The following PDE7B variants were observed in gnomAD, a reference collection of about 807,000 sequenced individuals.
PDE7B encodes phosphodiesterase 7B, also known as 3',5'-cyclic-AMP phosphodiesterase 7B.
A neutral mutation model predicts 56.2 loss-of-function variants in PDE7B; 29 were observed. The ratio of observed to expected loss-of-function variants is 0.52; its 90% CI spans 0.38 to 0.70. The LOEUF (loss-of-function observed/expected upper bound fraction) is 0.70. PDE7B is among the 30% of genes least tolerant of loss of function. The pLI, the probability that PDE7B is intolerant of heterozygous loss-of-function variation, is 0.00. For synonymous variants in PDE7B, 197 were observed against 196.9 expected (o/e 1.00, Z 0.00); for missense variants, 490 against 565.0 (o/e 0.87, Z 1.35).
intron 8 of PDE7B, among the ~76,000 whole-genome samples, chr6:136,169,229 T>A (rs1778844312): frequency 1.3e-5 from 2 of 152,202 alleles, no homozygotes; most frequent in South Asian, 4.1e-4. Context: ...CTCTATGCTG[T>A]TCTTCTTTTC....
At chr6:136,061,780 A>C (rs1776847862) in intron 2 of PDE7B, among the ~76,000 whole-genome samples, 1 of 152,236 alleles carries the variant, frequency 6.6e-6, no homozygotes, top group Non-Finnish European at 1.5e-5. Context: ...TACAAAGACT[A>C]AGATAGTGCA....
At chr6:135,985,573 A>T (rs1009655487) in intron 2 of PDE7B, among the ~76,000 whole-genome samples, 9 of 152,188 alleles carry the variant, frequency 5.9e-5, no homozygotes, top group African/African-American at 2.2e-4. Context: ...GCTGCATCCA[A>T]ATTCTATACT....
intron 2 of PDE7B, among the ~76,000 whole-genome samples, chr6:136,017,738 GTGT>G (rs1335246263): frequency 6.6e-6 from 1 of 152,044 alleles, no homozygotes; most frequent in African/African-American, 2.4e-5. Context: ...CCAAAGATGG[GTGT>G]TATGTTAGGC....
intron 2 of PDE7B, chr6:135,992,074 G>A (rs1211911164): frequency 1.3e-5 from 2 of 152,122 alleles, no homozygotes; most frequent in African/African-American, 4.8e-5. Context: ...GTCAAAGGTG[G>A]CTGCCCCTTC....
In PDE7B at chr6:136,072,032, C is replaced by T. The variant is rs142393516; in HGVS notation, c.83-36699C>T. The stretch of plus-strand genomic sequence containing the variant: ...CAACAGTGCCTTAAAAGGTACACAG[C>T]ACAAAAACTAAATATATTTTAGCTT... On this transcript the variant is annotated intron_variant, in intron 2 of 12. Transcript: ENST00000308191. 4.1e-3 allele frequency among the ~76,000 whole-genome samples: 621 copies of T among 152,228 alleles called. 10 individuals are homozygous for T. Among genetic ancestry groups the T allele is most frequent in the African/African-American group, 0.015 (608 of 41,530 alleles).
chr6:135,901,288 A>G (rs1775995234), intron 1 of PDE7B, among the ~76,000 whole-genome samples: 1 of 152,218 alleles, frequency 6.6e-6, no homozygotes, highest in African/African-American at 2.4e-5. Flanking sequence ...CAGGAGCATA[A>G]TAAATCTAGG....
intron 1 of PDE7B, among the ~76,000 whole-genome samples, chr6:135,905,342 GTGTGTA>G (rs1434800464): frequency 2.6e-4 from 24 of 93,916 alleles, no homozygotes; most frequent in African/African-American, 1.1e-3. Flanking sequence ...ATGCGTGTGT[GTGTGTA>G]TGTGTGTGTG....
intron 2 of PDE7B, among the ~76,000 whole-genome samples, chr6:135,984,311 T>G (rs1333485306): frequency 6.6e-6 from 1 of 152,156 alleles, no homozygotes; most frequent in Non-Finnish European, 1.5e-5. Flanking sequence ...TTGTTTTTTT[T>G]GTTTGTTTTT....
At chr6:136,150,755 G>A (rs1462553059) in intron 5 of PDE7B, among the ~76,000 whole-genome samples, 1 of 152,098 alleles carries the variant, frequency 6.6e-6, no homozygotes, top group African/African-American at 2.4e-5. Context: ...GCAATATGGT[G>A]GTTTAGATAC....
chr6:135,875,280 C>CT (rs1165606021), intron 1 of PDE7B, among the ~76,000 whole-genome samples: 2 of 151,426 alleles, frequency 1.3e-5, no homozygotes, highest in South Asian at 2.1e-4. Flanking sequence ...TACTTCTTTG[C>CT]TTTTTTCTGC....
At chr6:136,035,168 A>G (rs1776306642) in intron 2 of PDE7B, 1 of 152,170 alleles carries the variant, frequency 6.6e-6, no homozygotes, top group Non-Finnish European at 1.5e-5. Flanking sequence ...TTGATCACAT[A>G]ACAACCCCAC....
intron 2 of PDE7B, among the ~76,000 whole-genome samples, chr6:136,095,228 C>A (rs553160172): frequency 6.0e-4 from 91 of 152,174 alleles, no homozygotes; most frequent in Middle Eastern, 3.4e-3. Context: ...TAATGTTCTT[C>A]CCTTTAAACA....
intron 3 of PDE7B, among the ~76,000 whole-genome samples, chr6:136,120,213 T>A (rs1414743102): frequency 6.6e-6 from 1 of 152,234 alleles, no homozygotes; most frequent in Non-Finnish European, 1.5e-5. Flanking sequence ...GAATGGCCTA[T>A]TAACCCTTTT....
At chr6:136,009,092 A>T (rs1775841004) in intron 2 of PDE7B, among the ~76,000 whole-genome samples, 1 of 151,940 alleles carries the variant, frequency 6.6e-6, no homozygotes, top group Admixed American at 6.5e-5. Flanking sequence ...TAAATAGGGA[A>T]TCCTTTCCCC....
chr6:135,924,999 T>TC (rs1562441612), intron 1 of PDE7B, among the ~76,000 whole-genome samples: 1 of 147,154 alleles, frequency 6.8e-6, no homozygotes, highest in Non-Finnish European at 1.5e-5. Context: ...TTTGGGTGTT[T>TC]TTTTTTTTTT....
chr6:135,998,223 A>G (rs1172760595), intron 2 of PDE7B, among the ~76,000 whole-genome samples: 1 of 152,186 alleles, frequency 6.6e-6, no homozygotes, highest in Non-Finnish European at 1.5e-5. Flanking sequence ...CATAGTGAAA[A>G]TAGAGGTTCA....
At chr6:135,939,861 T>C in intron 1 of PDE7B, among the ~76,000 whole-genome samples, 1 of 152,318 alleles carries the variant, frequency 6.6e-6, no homozygotes, top group Non-Finnish European at 1.5e-5. Context: ...TGGGGTAACT[T>C]CTACCTCAAA....
chr6:136,156,063 A>G, intron 8 of PDE7B: 1 of 426,214 alleles, frequency 2.3e-6, no homozygotes, highest in South Asian at 2.1e-5. Context: ...AGACCTTACT[A>G]GAATAAAGTG....
chr6:135,980,608 C>G (rs969909829), intron 2 of PDE7B, among the ~76,000 whole-genome samples: 7 of 152,122 alleles, frequency 4.6e-5, no homozygotes, highest in Non-Finnish European at 8.8e-5. Context: ...ACAACCCCAT[C>G]AAAGAGTGGG....
Sources: gnomAD v4.1 joint callset for allele counts (sites outside exome capture counted in the v4.1 genomes callset) on GRCh38, gnomAD v4.1.1 for gene constraint, MANE v1.5 for transcripts, NCBI Gene and HGNC (gene_info 2026-07-23, HGNC 2026-07-21) for gene names.